ARK2C: variants seen among roughly 807,000 people sequenced by gnomAD.
ARK2C encodes arkadia (RNF111) C-terminal like ring finger ubiquitin ligase 2C.
At chr18:46,440,379 C>A in the ARK2C span, among the ~76,000 whole-genome samples, 1 of 152,008 alleles carries the variant, frequency 6.6e-6, no homozygotes. Flanking sequence ...TCTTACTGTG[C>A]CTAATTTATA....
chr18:46,390,505 G>A, the ARK2C span, among the ~76,000 whole-genome samples: 1 of 152,156 alleles, frequency 6.6e-6, no homozygotes, highest in Non-Finnish European at 1.5e-5. Flanking sequence ...CTCAGAAGAC[G>A]GGCATATATA....
At chr18:46,449,758 T>C in the ARK2C span, among the ~76,000 whole-genome samples, 1 of 152,224 alleles carries the variant, frequency 6.6e-6, no homozygotes, top group Non-Finnish European at 1.5e-5. Flanking sequence ...GTAGGTTTCC[T>C]GAGGCTCTCC....
chr18:46,447,097 C>T, the ARK2C span, among the ~76,000 whole-genome samples: 2 of 152,212 alleles, frequency 1.3e-5, no homozygotes, highest in African/African-American at 2.4e-5. Flanking sequence ...GAGTGGGTTG[C>T]GGTGGGCCAG....
chr18:46,440,273 T>TGA, the ARK2C span, among the ~76,000 whole-genome samples: 5,826 of 148,428 alleles, frequency 0.039, 136 homozygotes, highest in Middle Eastern at 0.083. Context: ...TTTGAGAGAC[T>TGA]GAGAGAGAGA....
chr18:46,416,241 CTT>C, the ARK2C span, among the ~76,000 whole-genome samples: 1 of 152,164 alleles, frequency 6.6e-6, no homozygotes, highest in Non-Finnish European at 1.5e-5. Context: ...ACTATAAACT[CTT>C]GAGACAGCAG....
the ARK2C span, among the ~76,000 whole-genome samples, chr18:46,412,680 C>T: frequency 5.9e-4 from 90 of 152,276 alleles, 1 homozygote; most frequent in South Asian, 8.9e-3. Context: ...GTGGTCAGGC[C>T]GGAAGGGAAT....
chr18:46,462,549 G>C, the ARK2C span: 1 of 152,864 alleles, frequency 6.5e-6, no homozygotes, highest in Non-Finnish European at 1.5e-5. Flanking sequence ...CCCTCTCTGG[G>C]CTTCCTGCCT....
At chr18:46,412,120 C>G in the ARK2C span, among the ~76,000 whole-genome samples, 1 of 152,364 alleles carries the variant, frequency 6.6e-6, no homozygotes, top group South Asian at 2.1e-4. Flanking sequence ...CATCTCACAG[C>G]CCTGGGAATC....
the ARK2C span, among the ~76,000 whole-genome samples, chr18:46,439,704 TAA>T: frequency 1.3e-5 from 2 of 152,052 alleles, no homozygotes; most frequent in Admixed American, 6.6e-5. Flanking sequence ...ACTTTTTTAT[TAA>T]AAAAAACCCT....
the ARK2C span, chr18:46,386,686 C>T: frequency 6.6e-6 from 1 of 152,194 alleles, no homozygotes; most frequent in Non-Finnish European, 1.5e-5. Flanking sequence ...GGATCTTTTC[C>T]CTGTCCCTGG....
the ARK2C span, among the ~76,000 whole-genome samples, chr18:46,380,236 A>G: frequency 0.44 from 66,635 of 151,946 alleles, 15,014 homozygotes; most frequent in Middle Eastern, 0.59. Flanking sequence ...CTCCTCTCCT[A>G]TGGCATCTGG....
chr18:46,341,036 A>G, the ARK2C span, among the ~76,000 whole-genome samples: 1 of 152,078 alleles, frequency 6.6e-6, no homozygotes, highest in Admixed American at 6.5e-5. Context: ...GTGTGTGTTG[A>G]TGGCGGGGCG....
At chr18:46,386,466 TC>T in the ARK2C span, 1 of 152,224 alleles carries the variant, frequency 6.6e-6, no homozygotes, top group African/African-American at 2.4e-5. Context: ...AATTTTTTTT[TC>T]CCTAAGGCCT....
the ARK2C span, among the ~76,000 whole-genome samples, chr18:46,403,037 C>CT: frequency 0.24 from 36,808 of 152,164 alleles, 5,165 homozygotes; most frequent in East Asian, 0.39. Flanking sequence ...ACGAGACTCA[C>CT]TTCCTTTCAG....
chr18:46,376,472 T>C, the ARK2C span, among the ~76,000 whole-genome samples: 2 of 152,118 alleles, frequency 1.3e-5, no homozygotes, highest in African/African-American at 4.8e-5. Flanking sequence ...TGCAGCCTCT[T>C]GTGGAGATAT....
the ARK2C span, among the ~76,000 whole-genome samples, chr18:46,382,330 C>T: frequency 6.6e-6 from 1 of 152,180 alleles, no homozygotes; most frequent in African/African-American, 2.4e-5. Flanking sequence ...CCTCATGGCC[C>T]ACAGGCTCTG....
At chr18:46,383,793 C>T in the ARK2C span, among the ~76,000 whole-genome samples, 10 of 152,158 alleles carry the variant, frequency 6.6e-5, no homozygotes, top group African/African-American at 7.2e-5. Context: ...CCTCGTGATC[C>T]GCCCACCTTG....
the ARK2C span, among the ~76,000 whole-genome samples, chr18:46,376,408 G>A: frequency 6.6e-6 from 1 of 152,354 alleles, no homozygotes; most frequent in Admixed American, 6.5e-5. Context: ...GCCCTGGACT[G>A]CCTAGTTTTG....
At chr18:46,433,222 G>T in the ARK2C span, 2 of 1,601,734 alleles carry the variant, frequency 1.2e-6, no homozygotes, top group Non-Finnish European at 1.7e-6. Context: ...GCATCCTCAC[G>T]CTACCTCCTG....
Sources: allele counts gnomAD v4.1 joint callset (sites outside exome capture counted in the v4.1 genomes callset), GRCh38; gene constraint gnomAD v4.1.1; transcripts MANE v1.5; gene names NCBI Gene and HGNC (gene_info 2026-07-23, HGNC 2026-07-21).